The following GALNS variants were observed in gnomAD, a reference collection of about 807,000 sequenced individuals.
GALNS encodes galactosamine (N-acetyl)-6-sulfatase.
A neutral mutation model predicts 65.9 loss-of-function variants in GALNS; 65 were observed. That is an observed-to-expected ratio of 0.99 (90% CI 0.81 to 1.21). GALNS has a LOEUF of 1.21. Among genes scored for constraint, GALNS ranks in the 50% most tolerant of loss-of-function variants. GALNS has a pLI of 0.00. For missense variants in GALNS, 776 were observed against 700.7 expected, an observed-to-expected ratio of 1.11 and a Z score of -1.21; for synonymous variants, 346 against 288.9, an observed-to-expected ratio of 1.20 and a Z score of -2.00.
intron 6 of GALNS, 67 bp from the exon 7 acceptor site, chr16:88,835,916 C>T (rs958535388): frequency 8.7e-6 from 14 of 1,609,088 alleles, no homozygotes; most frequent in East Asian, 4.5e-5. Flanking sequence ...CCACGGTCCC[C>T]GTCCCCACAC....
At chr16:88,815,711 G>C in intron 13 of GALNS, 1 of 985,486 alleles carries the variant, frequency 1.0e-6, no homozygotes, top group Middle Eastern at 5.2e-4. Flanking sequence ...AGGGTACTAA[G>C]GACAGTCTCC....
At chr16:88,829,789 G>A (rs1043860193) in intron 9 of GALNS, among the ~76,000 whole-genome samples, 1 of 152,250 alleles carries the variant, frequency 6.6e-6, no homozygotes, top group Non-Finnish European at 1.5e-5. Flanking sequence ...TGGCAGAACA[G>A]CAGCCAATCC....
intron 1 of GALNS, among the ~76,000 whole-genome samples, chr16:88,853,419 G>A (rs1967601409): frequency 6.6e-6 from 1 of 152,106 alleles, no homozygotes; most frequent in Non-Finnish European, 1.5e-5. Context: ...AGACGAGCAG[G>A]CCAGTGCTTG....
At chr16:88,816,588 T>G (rs2142976977) in intron 13 of GALNS, 1 of 977,168 alleles carries the variant, frequency 1.0e-6, no homozygotes, top group African/African-American at 1.8e-5. Flanking sequence ...CAGGGTGGAC[T>G]GTCCCTGGGC....
chr16:88,818,378 G>A (rs1457838791), intron 12 of GALNS, among the ~76,000 whole-genome samples: 1 of 152,258 alleles, frequency 6.6e-6, no homozygotes, highest in Non-Finnish European at 1.5e-5. Context: ...CCCTGGCAGA[G>A]AGGCTGTGAG....
At chr16:88,849,662 A>G (rs1158639229) in intron 1 of GALNS, among the ~76,000 whole-genome samples, 1 of 152,084 alleles carries the variant, frequency 6.6e-6, no homozygotes, top group African/African-American at 2.4e-5. Flanking sequence ...GAGCTCAAGC[A>G]GTCCACCCGC....
chr16:88,814,091 C>A lies in GALNS; in HGVS notation c.*348G>T. On this transcript the variant is annotated 3_prime_UTR_variant, in exon 14 of 14. Transcript: ENST00000268695. ...CACCTCAGGCACCTGTTGTCAGGACCTCCTGAGGCTGTCACAGGTGCATCC... is the reference window on the plus strand; with the variant it reads ...CACCTCAGGCACCTGTTGTCAGGACATCCTGAGGCTGTCACAGGTGCATCC... 2 of 405,300 alleles carry A rather than the reference C, an allele frequency of 4.9e-6. No homozygotes were observed. Among genetic ancestry groups the A allele is most frequent in the Non-Finnish European group, 9.3e-6 (2 of 213,944 alleles). 25.1% of individuals were successfully genotyped at this position (405,300 alleles called of 1,614,324 possible).
intron 2 of GALNS, 41 bp from the exon 3 acceptor site, chr16:88,842,012 T>C: frequency 6.4e-7 from 1 of 1,571,854 alleles, no homozygotes; most frequent in Non-Finnish European, 8.7e-7. Flanking sequence ...ATAAGAAGGG[T>C]GTGGCTCAGA....
intron 13 of GALNS, chr16:88,815,545 G>A (rs1276620922): frequency 2.0e-6 from 2 of 985,366 alleles, no homozygotes; most frequent in Non-Finnish European, 2.4e-6. Context: ...CCTGGCAACA[G>A]AAAGGGAGAC....
chr16:88,815,938 T>C, intron 13 of GALNS: 1 of 985,386 alleles, frequency 1.0e-6, no homozygotes, highest in Non-Finnish European at 1.2e-6. Flanking sequence ...CTCTCCTCTG[T>C]GCCAGAGACG....
chr16:88,839,328 G>A (rs750268234), intron 4 of GALNS, among the ~76,000 whole-genome samples: 2 of 152,308 alleles, frequency 1.3e-5, no homozygotes, highest in Non-Finnish European at 2.9e-5. Context: ...GGGGACACTC[G>A]TGCTTCCACG....
intron 1 of GALNS, among the ~76,000 whole-genome samples, chr16:88,851,683 G>C (rs1247023002): frequency 6.6e-6 from 1 of 152,188 alleles, no homozygotes; most frequent in Non-Finnish European, 1.5e-5. Flanking sequence ...AACGGTCTTA[G>C]CTAACGACAC....
At position 88,822,578 on chromosome 16, in the gene GALNS, C is replaced by T. The variant is rs774864952; in HGVS notation, c.1364+11G>A. ...CTGCCTCAGCAGCCAGGAGGCCCTGCACCGACTCACCTGAGGGGGAACCTC... is the reference window on the plus strand; with the variant it reads ...CTGCCTCAGCAGCCAGGAGGCCCTGTACCGACTCACCTGAGGGGGAACCTC... On this transcript the variant is annotated intron_variant, in intron 12 of 13. Transcript: ENST00000268695. 9 of 1,612,360 alleles carry T rather than the reference C, an allele frequency of 5.6e-6. No individual in the cohort carries two copies. In the Middle Eastern group the frequency reaches 6.6e-4, roughly 118 times the overall value.
intron 13 of GALNS, chr16:88,815,912 C>T: frequency 1.0e-6 from 1 of 985,438 alleles, no homozygotes; most frequent in Non-Finnish European, 1.2e-6. Context: ...AGCAGGGGTC[C>T]AGGTGGCCAC....
chr16:88,847,894 A>T (rs1326626290), intron 1 of GALNS, among the ~76,000 whole-genome samples: 1 of 152,242 alleles, frequency 6.6e-6, no homozygotes, highest in East Asian at 1.9e-4. Flanking sequence ...CCTGTGCATG[A>T]ACCAACACCC....
At chr16:88,837,883 G>A (rs970716832) in intron 4 of GALNS, 118 bp from the exon 5 acceptor site, 1 of 1,058,798 alleles carries the variant, frequency 9.4e-7, no homozygotes, top group Admixed American at 1.9e-5. Flanking sequence ...CTCCAGCACT[G>A]AGTATGGGCT....
At chr16:88,821,299 C>A (rs1450959088) in intron 12 of GALNS, among the ~76,000 whole-genome samples, 2 of 151,044 alleles carry the variant, frequency 1.3e-5, no homozygotes, top group Non-Finnish European at 2.9e-5. Flanking sequence ...TCTGTCCAGT[C>A]CCCGTCTCGT....
chr16:88,836,720 A>G (rs1912181619), intron 5 of GALNS, among the ~76,000 whole-genome samples: 1 of 151,946 alleles, frequency 6.6e-6, no homozygotes, highest in Admixed American at 6.6e-5. Context: ...AGCTGGACGC[A>G]TCCCTCGCTC....
rs778489528 is a variant in GALNS at position 88,835,829 on chromosome 16, C to G, written c.654G>C (p.Lys218Asn). The G allele has an allele frequency of 6.2e-7, 1 of 1,614,032 alleles. No homozygotes were observed. Among genetic ancestry groups the G allele is most frequent in the Non-Finnish European group, 8.5e-7 (1 of 1,180,032 alleles). Residue 218 changes from lysine to asparagine, a missense_variant, in exon 7 of 14, where the codon AAG (lysine) becomes AAC (asparagine). By Grantham distance (94) the Lys-to-Asn change is moderately conservative. Coordinates refer to ENST00000268695, the MANE Select transcript of GALNS (RefSeq NM_000512.5). ...IYLQEALDFIKRQARHHPFFL... is the reference protein window; with the variant it reads ...IYLQEALDFINRQARHHPFFL... ...AAAAGGGGTGGTGCCGTGCCTGTCTCTTAATGAAGTCCAGGGCTTCCTATG... is the reference window on the plus strand; with the variant it reads ...AAAAGGGGTGGTGCCGTGCCTGTCTGTTAATGAAGTCCAGGGCTTCCTATG...
Sources: allele counts gnomAD v4.1 joint callset (sites outside exome capture counted in the v4.1 genomes callset), GRCh38; gene constraint gnomAD v4.1.1; transcripts MANE v1.5; gene names NCBI Gene and HGNC (gene_info 2026-07-23, HGNC 2026-07-21).